CERS3: variants seen among roughly 807,000 people sequenced by gnomAD.
The protein encoded by CERS3 is LAG1 homolog, ceramide synthase 3.
Under a neutral mutation model 50.3 loss-of-function variants are expected in CERS3, and 33 were observed. The ratio of observed to expected loss-of-function variants is 0.66; its 90% confidence interval spans 0.50 to 0.88. The LOEUF (loss-of-function observed/expected upper bound fraction) is 0.88, where lower values mean the gene tolerates loss of function less well. Among genes scored for constraint, CERS3 ranks in the 40% least tolerant of loss-of-function variants. The pLI, the probability that CERS3 is intolerant of heterozygous loss-of-function variation, is 0.00. For synonymous variants in CERS3, 176 were observed against 155.2 expected (o/e 1.13, Z -0.99); for missense variants, 470 against 460.3 (o/e 1.02, Z -0.19).
chr15:100,416,702 C>G (rs1164178091), intron 11 of CERS3, among the ~76,000 whole-genome samples: 2 of 152,136 alleles, frequency 1.3e-5, no homozygotes, highest in Admixed American at 6.5e-5. Flanking sequence ...ATCACGAGAA[C>G]AGCATAGGGC....
chr15:100,531,846 A>T (rs114470166), upstream of CERS3, among the ~76,000 whole-genome samples: 258 of 152,320 alleles, frequency 1.7e-3, 1 homozygote, highest in African/African-American at 6.0e-3. Context: ...CATGTTAATG[A>T]TTCATTGCAT....
At chr15:100,446,081 A>T (rs928456107) in intron 11 of CERS3, among the ~76,000 whole-genome samples, 6 of 148,648 alleles carry the variant, frequency 4.0e-5, no homozygotes, top group African/African-American at 1.5e-4. Context: ...AAACGGCCCC[A>T]CCCCTATCTC....
At chr15:100,530,699 C>G (rs2036916154), upstream of CERS3, among the ~76,000 whole-genome samples, 1 of 152,220 alleles carries the variant, frequency 6.6e-6, no homozygotes, top group African/African-American at 2.4e-5. Context: ...TCATCCAACA[C>G]TCATTTTCAC....
chr15:100,412,634 C>T (rs1005330357), intron 11 of CERS3, among the ~76,000 whole-genome samples: 2 of 152,064 alleles, frequency 1.3e-5, no homozygotes, highest in Admixed American at 1.3e-4. Context: ...AAAATAGAGC[C>T]AATTTTTGTA....
At position 100,402,783 on chromosome 15, in the gene CERS3, T is replaced by C. The variant is rs776861443; in HGVS notation, c.1082A>G (p.Glu361Gly). The C allele has an allele frequency of 1.2e-6, 2 of 1,614,204 alleles. No individual in the cohort carries two copies. Among genetic ancestry groups the C allele is most frequent in the Non-Finnish European group, 1.7e-6 (2 of 1,180,024 alleles). ...GAGGCCGTTCTTTAAACAATCCATC[T>C]CTTTGCCTTTGGTAGCCTCTTCTTC... is the stretch of plus-strand genomic sequence containing the variant. ...EEEEEATKGK[E>G]MDCLKNGLRA... Residue 361 changes from glutamate (E) to glycine (G), a missense_variant, in exon 12 of 12, where the codon GAG becomes GGG. Glu to Gly is a moderately conservative substitution (Grantham distance 98). Transcript: ENST00000679737.
intron 10 of CERS3, among the ~76,000 whole-genome samples, chr15:100,462,461 A>G (rs2034580469): frequency 6.6e-6 from 1 of 152,230 alleles, no homozygotes; most frequent in Admixed American, 6.5e-5. Context: ...AAGCCCTTTT[A>G]GGATAGCAAA....
intron 1 of CERS3, among the ~76,000 whole-genome samples, chr15:100,538,675 T>C (rs1000905393): frequency 6.6e-6 from 1 of 152,236 alleles, no homozygotes; most frequent in Non-Finnish European, 1.5e-5. Context: ...TTTTTCCTCC[T>C]AGGCCTCTGG....
At chr15:100,508,532 C>T (rs2142351606) in intron 2 of CERS3, among the ~76,000 whole-genome samples, 1 of 152,196 alleles carries the variant, frequency 6.6e-6, no homozygotes, top group Non-Finnish European at 1.5e-5. Flanking sequence ...TTTTAAAACC[C>T]CACATGTCAC....
chr15:100,437,031 C>T (rs2033445703), intron 11 of CERS3, among the ~76,000 whole-genome samples: 1 of 151,512 alleles, frequency 6.6e-6, no homozygotes, highest in Non-Finnish European at 1.5e-5. Context: ...GCAAGCTCCG[C>T]CTCCTGGGTT....
At chr15:100,425,057 G>A (rs1028748090) in intron 11 of CERS3, among the ~76,000 whole-genome samples, 3 of 152,224 alleles carry the variant, frequency 2.0e-5, no homozygotes, top group Admixed American at 6.5e-5. Context: ...GCAAGAGTGA[G>A]GCTTGGGAGC....
At chr15:100,476,002 A>G (rs2035115713) in intron 8 of CERS3, 84 bp downstream of exon 8, 11 of 839,962 alleles carry the variant, frequency 1.3e-5, no homozygotes, top group Non-Finnish European at 1.8e-5. Flanking sequence ...ACAGAAAAAT[A>G]CAACTTAAAG....
chr15:100,443,278 A>G (rs1425809421), intron 11 of CERS3, among the ~76,000 whole-genome samples: 7 of 151,644 alleles, frequency 4.6e-5, no homozygotes, highest in Admixed American at 4.0e-4. Flanking sequence ...CTCAACGCCA[A>G]TATCCCATCC....
chr15:100,420,321 G>C lies in CERS3; in HGVS notation c.1000-17456C>G, dbSNP rs1391031226. Among the ~76,000 whole-genome samples the C allele has an allele frequency of 2.6e-5, 4 of 151,200 alleles. No homozygotes were observed. In the East Asian group the frequency reaches 5.8e-4, roughly 22 times the overall value. On this transcript the variant is annotated intron_variant, in intron 11 of 11. Coordinates refer to ENST00000679737, the MANE Select transcript of CERS3 (RefSeq NM_001378789.1). The stretch of plus-strand genomic sequence containing the variant: ...CAAACACCTCTACGCAAATAAACTA[G>C]AAAGTCTAGAAGAAATGGATAAATT...
At chr15:100,445,622 A>G (rs528707227) in intron 11 of CERS3, among the ~76,000 whole-genome samples, 25 of 152,048 alleles carry the variant, frequency 1.6e-4, no homozygotes, top group African/African-American at 5.5e-4. Flanking sequence ...CTTACCACAA[A>G]ATCTTCCTTC....
intron 3 of CERS3, among the ~76,000 whole-genome samples, chr15:100,500,692 C>T (rs1471977273): frequency 6.6e-6 from 1 of 152,136 alleles, no homozygotes; most frequent in Non-Finnish European, 1.5e-5. Flanking sequence ...TGCTCTCAGC[C>T]AGGGTTTAGT....
intron 1 of CERS3, among the ~76,000 whole-genome samples, chr15:100,522,589 C>T (rs1259891272): frequency 2.0e-5 from 3 of 152,190 alleles, no homozygotes; most frequent in Admixed American, 6.5e-5. Context: ...GATTCTTTCA[C>T]TCAACTTTTA....
At chr15:100,538,408 C>G (rs962658899) in intron 1 of CERS3, among the ~76,000 whole-genome samples, 1 of 152,268 alleles carries the variant, frequency 6.6e-6, no homozygotes, top group African/African-American at 2.4e-5. Flanking sequence ...ACTCCTGCAG[C>G]AAATTTCTGC....
rs374533057 is a variant in CERS3, at chr15:100,474,568, C to T, written c.610-1516G>A. ...TACAGGCATGTGCCACCACACCTGG[C>T]TAATTTTTGTATTTTTAGAAGAGAC... On this transcript the variant is annotated intron_variant, in intron 8 of 11. Coordinates refer to ENST00000679737, the MANE Select transcript of CERS3 (RefSeq NM_001378789.1). Among the ~76,000 whole-genome samples, 16 of 152,274 alleles carry T rather than the reference C, an allele frequency of 1.1e-4. No individual in the cohort carries two copies. In the South Asian group the frequency reaches 2.7e-3, roughly 26 times the overall value.
At chr15:100,456,187 T>C in intron 10 of CERS3, 141 bp from the exon 11 acceptor site, 3 of 519,416 alleles carry the variant, frequency 5.8e-6, no homozygotes, top group Middle Eastern at 5.3e-4. Flanking sequence ...AAAGAAAAGA[T>C]ACGATAATAT....
Sources: gnomAD v4.1 joint callset for allele counts (sites outside exome capture counted in the v4.1 genomes callset) on GRCh38, gnomAD v4.1.1 for gene constraint, MANE v1.5 for transcripts, NCBI Gene and HGNC (gene_info 2026-07-23, HGNC 2026-07-21) for gene names.